Variants in SLC39A12 observed in about 807,000 individuals in gnomAD.
SLC39A12 encodes the protein zinc transporter ZIP12.
Under a neutral mutation model 71.1 loss-of-function variants are expected in SLC39A12, and 63 were observed. The observed-to-expected ratio is 0.89, with a 90% CI of 0.72 to 1.09. The LOEUF is 1.09. Among genes scored for constraint, SLC39A12 ranks in the 50% least tolerant of loss-of-function variants. SLC39A12 has a pLI of 0.00. For missense variants in SLC39A12, 892 were observed against 812.6 expected, an observed-to-expected ratio of 1.10 and a Z score of -1.19; for synonymous variants, 351 against 301.3, an observed-to-expected ratio of 1.16 and a Z score of -1.71.
At chr10:17,991,975 G>C (rs1835560371) in intron 8 of SLC39A12, among the ~76,000 whole-genome samples, 1 of 151,082 alleles carries the variant, frequency 6.6e-6, no homozygotes. Context: ...TGTAATCCCA[G>C]GTACTAGGGA....
intron 2 of SLC39A12, among the ~76,000 whole-genome samples, chr10:17,954,828 G>A (rs74118047): frequency 0.031 from 4,787 of 152,260 alleles, 213 homozygotes; most frequent in African/African-American, 0.088. Flanking sequence ...AGGCGAGGGA[G>A]GGAGGGGAGG....
Position 18,029,945 on chromosome 10 carries a change from T to G in SLC39A12, c.1948-12760T>G, listed in dbSNP as rs1226308461. ...GAGAAGGTGGAAAGCTATAATTAGA[T>G]AGGGTTTGAGTTTTGGCATTTCGTA... On this transcript the variant is annotated intron_variant, in intron 12 of 12. Transcript: ENST00000377369. Among the ~76,000 whole-genome samples, 16 of 151,742 alleles carry G rather than the reference T, an allele frequency of 1.1e-4. No individual in the cohort carries two copies. In the East Asian group the frequency reaches 3.1e-3, roughly 29 times the overall value.
chr10:18,024,413 G>A (rs565247198), intron 12 of SLC39A12, among the ~76,000 whole-genome samples: 33 of 152,262 alleles, frequency 2.2e-4, no homozygotes, highest in Admixed American at 1.4e-3. Context: ...GTCCATGGAA[G>A]AAGAGTGGGT....
chr10:17,989,164 G>T (rs1835477288), intron 7 of SLC39A12, among the ~76,000 whole-genome samples: 1 of 152,176 alleles, frequency 6.6e-6, no homozygotes, highest in Non-Finnish European at 1.5e-5. Flanking sequence ...TCTTACCAGG[G>T]ATAATGATGG....
chr10:17,991,400 T>C lies in SLC39A12; in HGVS notation c.1422+97T>C, dbSNP rs977823066. On this transcript the variant is annotated intron_variant, in intron 8 of 12. Coordinates refer to ENST00000377369, the MANE Select transcript of SLC39A12 (RefSeq NM_001145195.2). Reference sequence around the variant, plus strand: ...CTTGTTCAAAAGTAATGAAGTTGCCTGTGTAAGGGATGTCTAATGGAATGC... The same window carrying C: ...CTTGTTCAAAAGTAATGAAGTTGCCCGTGTAAGGGATGTCTAATGGAATGC... 1.1e-5 allele frequency: 11 copies of C among 979,226 alleles called. No individual in the cohort carries two copies. The African/African-American group carries it at 1.7e-4, about 15-fold the overall frequency. 60.7% of individuals were successfully genotyped at this position (979,226 alleles called of 1,614,324 possible).
At chr10:18,007,867 G>A (rs1249146802) in intron 12 of SLC39A12, among the ~76,000 whole-genome samples, 2 of 152,116 alleles carry the variant, frequency 1.3e-5, no homozygotes, top group Non-Finnish European at 2.9e-5. Flanking sequence ...TGTATCTTTT[G>A]CTGACCTCCT....
intron 4 of SLC39A12, among the ~76,000 whole-genome samples, chr10:17,967,603 G>T (rs1834860035): frequency 6.6e-6 from 1 of 152,010 alleles, no homozygotes; most frequent in Non-Finnish European, 1.5e-5. Flanking sequence ...TATTTCCCAG[G>T]CCGGGCGCGG....
At chr10:17,965,803 C>T in intron 4 of SLC39A12, 113 bp downstream of exon 4, 1 of 852,478 alleles carries the variant, frequency 1.2e-6, no homozygotes, top group Non-Finnish European at 1.8e-6. Context: ...GTTTTAAATA[C>T]CATTTTTTAT....
chr10:18,009,121 A>G (rs907916214), intron 12 of SLC39A12, among the ~76,000 whole-genome samples: 1 of 152,180 alleles, frequency 6.6e-6, no homozygotes, highest in African/African-American at 2.4e-5. Flanking sequence ...ATCTGAAGCA[A>G]TGTTTCAAAC....
At chr10:17,987,849 G>A (rs1414312522) in intron 7 of SLC39A12, among the ~76,000 whole-genome samples, 198 bp downstream of exon 7, 10 of 152,022 alleles carry the variant, frequency 6.6e-5, no homozygotes, top group Non-Finnish European at 2.9e-5. Flanking sequence ...CATTAGGCTC[G>A]CCACATAGTA....
rs1389942748 is a variant in SLC39A12 at position 18,003,023 on chromosome 10, T to C, written c.1760-148T>C. On this transcript the variant is annotated intron_variant, in intron 11 of 12. Coordinates refer to ENST00000377369, the MANE Select transcript of SLC39A12 (RefSeq NM_001145195.2). The stretch of plus-strand genomic sequence containing the variant: ...ATGGGCTATGAATTCTAGAGAAATA[T>C]AGGAAAGCATTTTATTTACTGATCA... The C allele has an allele frequency of 7.9e-6, 5 of 636,870 alleles. No homozygotes were observed. The East Asian group carries it at 8.2e-5, about 10-fold the overall frequency. 39.5% of individuals were successfully genotyped at this position (636,870 alleles called of 1,614,324 possible). A position where few individuals can be genotyped will look rare whatever the true frequency, so the allele number is the denominator to read the frequency against.
chr10:18,028,470 A>T (rs189042587), intron 12 of SLC39A12, among the ~76,000 whole-genome samples: 3 of 152,314 alleles, frequency 2.0e-5, no homozygotes, highest in Admixed American at 6.5e-5. Flanking sequence ...TTTGCTTGTC[A>T]TGAGAGTCTG....
chr10:18,038,088 A>G lies in SLC39A12; in HGVS notation c.1948-4617A>G, dbSNP rs1042546379. Among the ~76,000 whole-genome samples the G allele has an allele frequency of 6.8e-4, 93 of 136,352 alleles. 2 individuals carry two copies. Among genetic ancestry groups the G allele is most frequent in the African/African-American group, 2.7e-3 (92 of 34,302 alleles). 89.5% of individuals were successfully genotyped at this position (136,352 alleles called of 152,430 possible). A position where few individuals can be genotyped will look rare whatever the true frequency, so the allele number is the denominator to read the frequency against. On this transcript the variant is annotated intron_variant, in intron 12 of 12. Transcript: ENST00000377369. ...TGTATGGCAAGTTATCATAGGGTCC[A>G]TTATTTCGATTAAAAAAAAATACAG...
In SLC39A12 at chr10:18,037,897, G is replaced by A. The variant is rs185962591; in HGVS notation, c.1948-4808G>A. ...TAGCCAGGCATGGTGGTGCGTGCCTGTAGTCCCAGCTACGTGGGCGACTGA... is the reference window on the plus strand; with the variant it reads ...TAGCCAGGCATGGTGGTGCGTGCCTATAGTCCCAGCTACGTGGGCGACTGA... On this transcript the variant is annotated intron_variant, in intron 12 of 12. Transcript: ENST00000377369. Among the ~76,000 whole-genome samples the A allele has an allele frequency of 2.4e-3, 357 of 151,814 alleles. 3 individuals are homozygous for A. Among genetic ancestry groups the A allele is most frequent in the South Asian group, 4.0e-3 (19 of 4,786 alleles).
chr10:17,990,511 C>T (rs1360104483), intron 7 of SLC39A12, among the ~76,000 whole-genome samples: 3 of 152,070 alleles, frequency 2.0e-5, no homozygotes, highest in Non-Finnish European at 4.4e-5. Context: ...GATCTACTGG[C>T]TCACAAGAAA....
intron 12 of SLC39A12, among the ~76,000 whole-genome samples, chr10:18,025,101 A>G (rs887330526): frequency 1.3e-5 from 2 of 152,168 alleles, no homozygotes; most frequent in African/African-American, 2.4e-5. Flanking sequence ...AGTTGAATCA[A>G]TATCTACCAT....
At chr10:17,978,975 A>G (rs1835187438) in intron 5 of SLC39A12, among the ~76,000 whole-genome samples, 1 of 152,170 alleles carries the variant, frequency 6.6e-6, no homozygotes, top group African/African-American at 2.4e-5. Context: ...ATAAACCCCA[A>G]GTGTAGAGCC....
chr10:17,962,236 T>C (rs1224531969), intron 3 of SLC39A12, among the ~76,000 whole-genome samples: 2 of 152,230 alleles, frequency 1.3e-5, no homozygotes, highest in Non-Finnish European at 2.9e-5. Flanking sequence ...GCCTTCTGGC[T>C]GCGAAAGGAG....
intron 3 of SLC39A12, among the ~76,000 whole-genome samples, chr10:17,962,864 G>C (rs1440884340): frequency 5.9e-5 from 9 of 152,120 alleles, no homozygotes; most frequent in African/African-American, 1.9e-4. Context: ...TTTAGGAAAA[G>C]GGATTCCTAG....
Sources: allele counts gnomAD v4.1 joint callset (sites outside exome capture counted in the v4.1 genomes callset), GRCh38; gene constraint gnomAD v4.1.1; transcripts MANE v1.5; gene names NCBI Gene and HGNC (gene_info 2026-07-23, HGNC 2026-07-21).